The following APOO variants were observed in gnomAD, a reference collection of about 807,000 sequenced individuals.
The protein encoded by APOO is MICOS complex subunit MIC26.
In APOO, 11 loss-of-function variants were observed where a neutral mutation model predicts 23.1. The ratio of observed to expected loss-of-function variants is 0.48; its 90% CI spans 0.30 to 0.79. The LOEUF (loss-of-function observed/expected upper bound fraction) is 0.79, where lower values mean the gene tolerates loss of function less well. APOO is among the 30% of genes least tolerant of loss of function. APOO has a pLI of 0.07. For synonymous variants in APOO, 59 were observed against 54.8 expected (o/e 1.08, Z -0.34); for missense variants, 160 against 142.7 (o/e 1.12, Z -0.62).
chrX:23,884,723 A>G, intron 1 of APOO, among the ~76,000 whole-genome samples: 1 of 111,705 alleles, frequency 9.0e-6, no homozygotes, highest in Non-Finnish European at 1.9e-5. Flanking sequence ...TGTACAACAT[A>G]ATGACTAGAG....
At position 23,872,521 on chromosome X, in the gene APOO, T is replaced by TTATATATATATATATA. The variant is rs773219545; in HGVS notation, c.292+1866_292+1881dup. Among the ~76,000 whole-genome samples the TTATATATATATATATA allele has an allele frequency of 4.0e-3, 373 of 93,193 alleles. 2 individuals are homozygous for TTATATATATATATATA. Among genetic ancestry groups the TTATATATATATATATA allele is most frequent in the African/African-American group, 0.013 (331 of 24,852 alleles). 80.9% of individuals were successfully genotyped at this position (93,193 alleles called of 115,157 possible). On this transcript the variant is annotated intron_variant, in intron 4 of 8. Coordinates refer to ENST00000379226, the MANE Select transcript of APOO (RefSeq NM_024122.5). ...GTATCTGTCAGCTTGTTATGAGAAT[T>TTATATATATATATATA]TATATATATATATATATATATATAA...
intron 4 of APOO, among the ~76,000 whole-genome samples, chrX:23,870,744 T>A (rs754211014): frequency 3.1e-3 from 343 of 109,318 alleles, no homozygotes; most frequent in Non-Finnish European, 5.3e-3. Flanking sequence ...TGAGCTATGA[T>A]CATGCCACTA....
chrX:23,888,832 A>T (rs1212209087), intron 1 of APOO, among the ~76,000 whole-genome samples: 2 of 88,575 alleles, frequency 2.3e-5, no homozygotes, highest in African/African-American at 8.3e-5. Context: ...CTTGGGCAAC[A>T]GAGTGAGATT....
At position 23,907,318 on chromosome X, in the gene APOO, T is replaced by C. The variant is rs747017362; in HGVS notation, c.9+376A>G. Among the ~76,000 whole-genome samples, 36 of 107,621 alleles carry C rather than the reference T, an allele frequency of 3.3e-4. 1 individual carries two copies. Among genetic ancestry groups the C allele is most frequent in the Admixed American group, 3.3e-3 (33 of 10,144 alleles). The allele number at this position is 107,621 out of a possible 115,157, so 93.5% of individuals were successfully genotyped here. A position where few individuals can be genotyped will look rare whatever the true frequency, so the allele number is the denominator to read the frequency against. The stretch of plus-strand genomic sequence containing the variant: ...CACATCAGGTTCTGAAACCTGACCC[T>C]GCCAGGCAACTAAAGCCGCGAACCC... On this transcript the variant is annotated intron_variant, in intron 1 of 8. Transcript: ENST00000379226.
chrX:23,849,893 A>G (rs925122552), intron 7 of APOO, among the ~76,000 whole-genome samples: 7 of 100,901 alleles, frequency 6.9e-5, no homozygotes, highest in South Asian at 4.3e-4. Context: ...CTCCATCTCG[A>G]AAAAAAAAAA....
intron 8 of APOO, among the ~76,000 whole-genome samples, chrX:23,836,494 T>C (rs902806086): frequency 5.7e-4 from 64 of 111,527 alleles, no homozygotes; most frequent in Non-Finnish European, 9.6e-4. Flanking sequence ...TTTGTATTTT[T>C]AGTAGAGACA....
intron 3 of APOO, among the ~76,000 whole-genome samples, chrX:23,877,755 C>T (rs1383943133): frequency 1.4e-4 from 14 of 101,221 alleles, no homozygotes; most frequent in Admixed American, 1.0e-3. Flanking sequence ...GCCTGGGCGA[C>T]AGAGCAAGAC....
intron 5 of APOO, among the ~76,000 whole-genome samples, chrX:23,861,632 C>G (rs765428983): frequency 9.4e-6 from 1 of 106,103 alleles, no homozygotes; most frequent in African/African-American, 3.4e-5. Flanking sequence ...CATGGATTTC[C>G]TGCTGAGAAC....
intron 7 of APOO, among the ~76,000 whole-genome samples, chrX:23,842,949 A>C (rs771759914): frequency 8.9e-6 from 1 of 112,204 alleles, no homozygotes; most frequent in South Asian, 3.7e-4. Flanking sequence ...CGGAGGTTGC[A>C]GTGAGCCAAG....
chrX:23,853,361 C>T (rs1402843491), intron 7 of APOO, among the ~76,000 whole-genome samples: 1 of 111,685 alleles, frequency 9.0e-6, no homozygotes, highest in Non-Finnish European at 1.9e-5. Context: ...AACAATGCCA[C>T]TTCATTATAT....
chrX:23,903,538 T>A (rs1000767421), intron 1 of APOO, among the ~76,000 whole-genome samples: 1 of 111,651 alleles, frequency 9.0e-6, no homozygotes, highest in Non-Finnish European at 1.9e-5. Flanking sequence ...TCTTCTGGTA[T>A]CCTGAAATAA....
At chrX:23,874,926 T>G (rs1257530805) in intron 3 of APOO, among the ~76,000 whole-genome samples, 6 of 111,384 alleles carry the variant, frequency 5.4e-5, no homozygotes, top group African/African-American at 2.0e-4. Context: ...CCAAAGCAAA[T>G]GAGGTGTCAA....
intron 1 of APOO, among the ~76,000 whole-genome samples, chrX:23,881,425 G>A (rs1402306228): frequency 9.3e-6 from 1 of 107,014 alleles, no homozygotes; most frequent in Non-Finnish European, 1.9e-5. Flanking sequence ...GTGTGTGCCT[G>A]TAGTCCCAGC....
intron 5 of APOO, among the ~76,000 whole-genome samples, chrX:23,867,119 G>A (rs1354602174): frequency 1.9e-5 from 2 of 103,563 alleles, no homozygotes; most frequent in Non-Finnish European, 3.8e-5. Context: ...TAAACGAAAC[G>A]AAACGAAACG....
At chrX:23,848,688 C>CTT (rs762700350) in intron 7 of APOO, among the ~76,000 whole-genome samples, 2 of 95,286 alleles carry the variant, frequency 2.1e-5, no homozygotes, top group African/African-American at 3.8e-5. Flanking sequence ...ATTTTCTTTT[C>CTT]TTTTTTTTTT....
chrX:23,867,833 C>A (rs1015396208), intron 5 of APOO, among the ~76,000 whole-genome samples: 3 of 110,549 alleles, frequency 2.7e-5, no homozygotes, highest in African/African-American at 9.9e-5. Context: ...TGAGCCACTG[C>A]GCCTGGCATC....
intron 7 of APOO, among the ~76,000 whole-genome samples, chrX:23,849,609 A>AAAAG (rs1311653969): frequency 1.1e-4 from 10 of 94,470 alleles, no homozygotes; most frequent in African/African-American, 4.1e-4. Context: ...AAAAAAAAAA[A>AAAAG]GTTCGGGCAT....
intron 5 of APOO, among the ~76,000 whole-genome samples, chrX:23,861,165 C>G (rs754790951): frequency 6.3e-5 from 7 of 110,621 alleles, no homozygotes; most frequent in African/African-American, 2.0e-4. Context: ...AAATTGTAAT[C>G]CCCAATGTTG....
intron 1 of APOO, among the ~76,000 whole-genome samples, chrX:23,890,542 C>T (rs1477077010): frequency 8.9e-6 from 1 of 112,365 alleles, no homozygotes; most frequent in African/African-American, 3.2e-5. Flanking sequence ...ATGGTTCAAC[C>T]TTACATGGTG....
Sources: allele counts gnomAD v4.1 joint callset (sites outside exome capture counted in the v4.1 genomes callset), GRCh38; gene constraint gnomAD v4.1.1; transcripts MANE v1.5; gene names NCBI Gene and HGNC (gene_info 2026-07-23, HGNC 2026-07-21).